Variants in CBLB observed in about 807,000 individuals in gnomAD.
CBLB encodes E3 ubiquitin-protein ligase CBL-B.
Under a neutral mutation model 104.9 loss-of-function variants are expected in CBLB, and 31 were observed. The ratio of observed to expected loss-of-function variants is 0.30; its 90% confidence interval spans 0.22 to 0.40. The LOEUF (loss-of-function observed/expected upper bound fraction) is 0.40. Among genes scored for constraint, CBLB ranks in the 10% least tolerant of loss-of-function variants. The probability of loss-of-function intolerance (pLI) is 1.00; values close to 1 mark genes in which losing one functional copy is unlikely to be tolerated. For missense variants in CBLB, 1,062 were observed against 1,214.6 expected (o/e 0.87, Z 1.87); for synonymous variants, 440 against 422.6 (o/e 1.04, Z -0.51).
chr3:105,787,369 A>G (rs557884685), intron 3 of CBLB, among the ~76,000 whole-genome samples: 3 of 152,350 alleles, frequency 2.0e-5, no homozygotes, highest in African/African-American at 7.2e-5. Flanking sequence ...AGGTTTCTAG[A>G]CACAACTCTG....
At chr3:105,808,227 A>G (rs959444256) in intron 3 of CBLB, among the ~76,000 whole-genome samples, 1 of 152,216 alleles carries the variant, frequency 6.6e-6, no homozygotes, top group Non-Finnish European at 1.5e-5. Context: ...TTCATATAAA[A>G]TGATGTTTTC....
At chr3:105,751,384 CAG>C (rs3217535) in intron 5 of CBLB, 76 bp downstream of exon 5, 941 of 955,390 alleles carry the variant, frequency 9.8e-4, no homozygotes, top group Non-Finnish European at 1.3e-3. Flanking sequence ...GAGAGAGAGA[CAG>C]AGAGAGAGAG....
intron 4 of CBLB, among the ~76,000 whole-genome samples, chr3:105,752,028 T>C (rs2076638358): frequency 6.6e-6 from 1 of 152,150 alleles, no homozygotes; most frequent in Non-Finnish European, 1.5e-5. Context: ...ATAATAGAAA[T>C]CCTTTATTCA....
intron 3 of CBLB, among the ~76,000 whole-genome samples, chr3:105,829,490 C>T (rs1174246910): frequency 4.6e-5 from 7 of 151,724 alleles, no homozygotes; most frequent in Admixed American, 4.6e-4. Context: ...GAGACCCTGT[C>T]TCTACAAAAA....
At chr3:105,763,244 T>C (rs2077841165) in intron 4 of CBLB, among the ~76,000 whole-genome samples, 1 of 152,186 alleles carries the variant, frequency 6.6e-6, no homozygotes, top group Non-Finnish European at 1.5e-5. Flanking sequence ...CTCTGGACTG[T>C]GGACTTTTGA....
chr3:105,747,137 C>A (rs1180633888), intron 5 of CBLB, among the ~76,000 whole-genome samples: 1 of 152,146 alleles, frequency 6.6e-6, no homozygotes, highest in Non-Finnish European at 1.5e-5. Flanking sequence ...CAGTGATAGA[C>A]AACTTTACTC....
intron 3 of CBLB, among the ~76,000 whole-genome samples, chr3:105,787,456 T>C (rs1015324510): frequency 1.3e-5 from 2 of 152,142 alleles, no homozygotes; most frequent in African/African-American, 4.8e-5. Context: ...AACCAGGGGG[T>C]TGTGGTACAT....
rs141746513 is a variant in CBLB, at chr3:105,793,917, G to A, written c.420-17375C>T. On this transcript the variant is annotated intron_variant, in intron 3 of 18. Coordinates refer to ENST00000394030, the MANE Select transcript of CBLB (RefSeq NM_170662.5). Reference sequence around the variant, plus strand: ...ATTAAATATGGCCTGCTAATAACTAGTTATTCATCTATGAATATGAAGTAT... The same window carrying A: ...ATTAAATATGGCCTGCTAATAACTAATTATTCATCTATGAATATGAAGTAT... Among the ~76,000 whole-genome samples the A allele has an allele frequency of 4.5e-4, 68 of 152,184 alleles. No homozygotes were observed. In the East Asian group the frequency reaches 0.011, roughly 25 times the overall value.
upstream of CBLB, chr3:105,869,188 T>G: frequency 1.6e-6 from 1 of 622,910 alleles, no homozygotes; most frequent in South Asian, 1.5e-5. Flanking sequence ...TCCTCCACAG[T>G]ACACAATGGC....
chr3:105,858,306 C>G (rs912238792), intron 2 of CBLB, among the ~76,000 whole-genome samples: 8 of 152,124 alleles, frequency 5.3e-5, no homozygotes, highest in Admixed American at 4.6e-4. Context: ...GACTTCTAAG[C>G]AGGTCAAATT....
intron 3 of CBLB, among the ~76,000 whole-genome samples, chr3:105,808,468 T>C (rs1474598981): frequency 1.3e-5 from 2 of 152,216 alleles, no homozygotes; most frequent in Non-Finnish European, 2.9e-5. Context: ...TTTCATAATA[T>C]AAACTTTATG....
chr3:105,686,385 T>A (rs774769397), intron 13 of CBLB, among the ~76,000 whole-genome samples: 16 of 151,616 alleles, frequency 1.1e-4, no homozygotes, highest in Non-Finnish European at 1.8e-4. Flanking sequence ...AATACACACA[T>A]GGATCCAAAT....
At chr3:105,826,790 A>T (rs2086644701) in intron 3 of CBLB, among the ~76,000 whole-genome samples, 1 of 152,220 alleles carries the variant, frequency 6.6e-6, no homozygotes, top group Admixed American at 6.5e-5. Flanking sequence ...TGCTCCCAGG[A>T]CCAGGAGACA....
At chr3:105,845,236 G>GA (rs1479494708) in intron 3 of CBLB, among the ~76,000 whole-genome samples, 1 of 151,424 alleles carries the variant, frequency 6.6e-6, no homozygotes. Flanking sequence ...ATCTGTGGGG[G>GA]AAAAAAGTCC....
intron 9 of CBLB, among the ~76,000 whole-genome samples, chr3:105,724,673 TTGTAA>T (rs1559968288): frequency 6.6e-6 from 1 of 152,290 alleles, no homozygotes; most frequent in East Asian, 1.9e-4. Context: ...GAATTCCATT[TTGTAA>T]TGTAATGAAT....
chr3:105,681,214 A>C, intron 16 of CBLB: 1 of 533,280 alleles, frequency 1.9e-6, no homozygotes, highest in East Asian at 2.9e-5. Context: ...CAAAGCTCTC[A>C]TGTGTTTTTA....
Position 105,758,151 on chromosome 3 carries a change from AT to A in CBLB, c.567-6534del, listed in dbSNP as rs530614680. The stretch of plus-strand genomic sequence containing the variant: ...TATGAAGATAGATTCTTATGGGACC[AT>A]TATTACTCTTGCTGTTCTATCAATA... On this transcript the variant is annotated intron_variant, in intron 4 of 18. Transcript: ENST00000394030. Among the ~76,000 whole-genome samples, 3 of 152,294 alleles carry A rather than the reference AT, an allele frequency of 2.0e-5. No homozygotes were observed. In the East Asian group the frequency reaches 5.8e-4, roughly 29 times the overall value.
chr3:105,681,052 CTACA>C (rs2066260532), intron 16 of CBLB: 1 of 192,648 alleles, frequency 5.2e-6, no homozygotes, highest in Non-Finnish European at 1.1e-5. Flanking sequence ...TATCAGTTCT[CTACA>C]TACAACTATT....
chr3:105,797,317 CA>C (rs988042349), intron 3 of CBLB, among the ~76,000 whole-genome samples: 37 of 152,258 alleles, frequency 2.4e-4, no homozygotes, highest in African/African-American at 8.7e-4. Flanking sequence ...TTATCTGAAG[CA>C]AACTAATGTA....
Sources: allele counts gnomAD v4.1 joint callset (sites outside exome capture counted in the v4.1 genomes callset), GRCh38; gene constraint gnomAD v4.1.1; transcripts MANE v1.5; gene names NCBI Gene and HGNC (gene_info 2026-07-23, HGNC 2026-07-21).